Variants in SCHIP1 observed in about 807,000 individuals in gnomAD.
The protein encoded by SCHIP1 is schwannomin interacting protein 1.
SCHIP1 carries 8 observed loss-of-function variants against 29.7 expected under a neutral mutation model. That is an observed-to-expected ratio of 0.27 (90% confidence interval 0.16 to 0.49). SCHIP1 has a LOEUF of 0.49. SCHIP1 is among the 20% of genes least tolerant of loss of function. The pLI is 0.99. For missense variants in SCHIP1, 193 were observed against 294.6 expected (o/e 0.66, Z 2.52); for synonymous variants, 76 against 94.9 (o/e 0.80, Z 1.16).
the SCHIP1 span, among the ~76,000 whole-genome samples, chr3:159,648,785 T>A: frequency 2.0e-5 from 3 of 151,834 alleles, no homozygotes; most frequent in Non-Finnish European, 4.4e-5. Context: ...CCCCCTCTTT[T>A]AGGTAGCACC....
At chr3:159,812,479 C>T in the SCHIP1 span, among the ~76,000 whole-genome samples, 38,201 of 152,030 alleles carry the variant, frequency 0.25, 5,001 homozygotes, top group Middle Eastern at 0.34. Context: ...ATTGTGTAAA[C>T]GAACAGTTTC....
At chr3:159,582,337 T>C in the SCHIP1 span, among the ~76,000 whole-genome samples, 4 of 151,996 alleles carry the variant, frequency 2.6e-5, no homozygotes, top group African/African-American at 9.7e-5. Context: ...CTTATTTTTT[T>C]TTTATTTTTA....
chr3:159,393,156 G>A, the SCHIP1 span, among the ~76,000 whole-genome samples: 2 of 152,014 alleles, frequency 1.3e-5, no homozygotes, highest in Non-Finnish European at 2.9e-5. Context: ...TTTTTGATGG[G>A]GTTGTTTGTT....
chr3:159,604,781 T>C, the SCHIP1 span, among the ~76,000 whole-genome samples: 2 of 152,218 alleles, frequency 1.3e-5, no homozygotes, highest in African/African-American at 4.8e-5. Context: ...ATAAGAATAT[T>C]TGGCATGACA....
At chr3:159,429,376 G>T in the SCHIP1 span, among the ~76,000 whole-genome samples, 1 of 152,040 alleles carries the variant, frequency 6.6e-6, no homozygotes, top group Non-Finnish European at 1.5e-5. Context: ...GAGAGATGAG[G>T]TGGGGGTAAA....
chr3:159,413,905 A>C, the SCHIP1 span, among the ~76,000 whole-genome samples: 14 of 152,236 alleles, frequency 9.2e-5, no homozygotes, highest in Admixed American at 7.9e-4. Flanking sequence ...AAGTTTAAAC[A>C]CATATATCAA....
chr3:159,494,429 C>T, the SCHIP1 span, among the ~76,000 whole-genome samples: 2 of 152,078 alleles, frequency 1.3e-5, no homozygotes, highest in Non-Finnish European at 2.9e-5. Flanking sequence ...GATATCACCA[C>T]CGATCCCACA....
the SCHIP1 span, among the ~76,000 whole-genome samples, chr3:159,779,506 CA>C: frequency 3.5e-3 from 446 of 128,996 alleles, 2 homozygotes; most frequent in Admixed American, 0.01. Context: ...CTGTCTCTAC[CA>C]AAAAAAAAAA....
chr3:159,820,312 CA>C, the SCHIP1 span, among the ~76,000 whole-genome samples: 1 of 152,186 alleles, frequency 6.6e-6, no homozygotes, highest in African/African-American at 2.4e-5. Context: ...CCAGCCCCCA[CA>C]ACCCTACCTT....
chr3:159,426,333 A>G, the SCHIP1 span, among the ~76,000 whole-genome samples: 1 of 152,210 alleles, frequency 6.6e-6, no homozygotes, highest in Non-Finnish European at 1.5e-5. Context: ...TAGACGCAAT[A>G]AAAAATGACA....
chr3:159,511,495 G>C, the SCHIP1 span, among the ~76,000 whole-genome samples: 3 of 152,132 alleles, frequency 2.0e-5, no homozygotes, highest in Non-Finnish European at 4.4e-5. Context: ...TGTTCAATGA[G>C]CCCCAGTGAG....
chr3:159,488,992 T>TA, the SCHIP1 span, among the ~76,000 whole-genome samples: 3 of 152,176 alleles, frequency 2.0e-5, no homozygotes, highest in Non-Finnish European at 4.4e-5. Context: ...AGTACATGCT[T>TA]ATTGTCCAAA....
At chr3:159,403,410 G>A in the SCHIP1 span, among the ~76,000 whole-genome samples, 4 of 152,018 alleles carry the variant, frequency 2.6e-5, no homozygotes, top group African/African-American at 9.7e-5. Flanking sequence ...AAACAGTCTC[G>A]AATTGTCAAC....
At chr3:159,299,813 C>T in the SCHIP1 span, among the ~76,000 whole-genome samples, 4 of 152,228 alleles carry the variant, frequency 2.6e-5, no homozygotes, top group East Asian at 1.9e-4. Context: ...CCTTGTCTAC[C>T]GTGTGAGGGA....
chr3:159,555,558 G>C, the SCHIP1 span, among the ~76,000 whole-genome samples: 2 of 152,082 alleles, frequency 1.3e-5, no homozygotes, highest in Non-Finnish European at 2.9e-5. Flanking sequence ...GCTCTTTCTT[G>C]ATGAGCAAAT....
rs142650918 is a variant in SCHIP1 at position 159,850,087 on chromosome 3, G to A, written c.30+9873G>A. On this transcript the variant is annotated intron_variant, in intron 1 of 6. Transcript: ENST00000445224. ...TGGAAAGGAAAATTCATCATATAGC[G>A]TACTAGGTTCTGACATCAGTGAAGT... Among the ~76,000 whole-genome samples the A allele has an allele frequency of 3.0e-3, 464 of 152,270 alleles. 3 individuals carry two copies. Among genetic ancestry groups the A allele is most frequent in the African/African-American group, 0.011 (443 of 41,544 alleles).
chr3:159,481,815 G>C, the SCHIP1 span, among the ~76,000 whole-genome samples: 2 of 152,100 alleles, frequency 1.3e-5, no homozygotes, highest in African/African-American at 2.4e-5. Flanking sequence ...TTGTATCATG[G>C]AAAAAGAGAA....
chr3:159,300,792 T>G, the SCHIP1 span, among the ~76,000 whole-genome samples: 2 of 152,100 alleles, frequency 1.3e-5, no homozygotes. Flanking sequence ...CCATAATTCC[T>G]CCTCTCTCCC....
the SCHIP1 span, among the ~76,000 whole-genome samples, chr3:159,501,032 A>C: frequency 6.6e-6 from 1 of 152,206 alleles, no homozygotes; most frequent in East Asian, 1.9e-4. Context: ...AGACATATAC[A>C]CAAATGGTTA....
Sources: gnomAD v4.1 joint callset for allele counts (sites outside exome capture counted in the v4.1 genomes callset) on GRCh38, gnomAD v4.1.1 for gene constraint, MANE v1.5 for transcripts, NCBI Gene and HGNC (gene_info 2026-07-23, HGNC 2026-07-21) for gene names.